Variants in PRKCA observed in about 807,000 individuals in gnomAD.
PRKCA encodes the protein protein kinase C alpha type.
A neutral mutation model predicts 87.0 loss-of-function variants in PRKCA; 27 were observed. The observed-to-expected ratio is 0.31, with a 90% CI of 0.23 to 0.43. The LOEUF (loss-of-function observed/expected upper bound fraction) is 0.43. PRKCA is among the 20% of genes least tolerant of loss of function. The pLI is 1.00. For synonymous variants in PRKCA, 329 were observed against 311.1 expected (o/e 1.06, Z -0.61); for missense variants, 518 against 852.3 (o/e 0.61, Z 4.88).
intron 3 of PRKCA, among the ~76,000 whole-genome samples, chr17:66,501,538 C>T (rs1916732173): frequency 6.6e-6 from 1 of 152,198 alleles, no homozygotes; most frequent in Admixed American, 6.5e-5. Context: ...GCACCCGGGG[C>T]TCAGGCTTGG....
At chr17:66,676,348 A>G (rs1972332323) in intron 5 of PRKCA, 1 of 152,196 alleles carries the variant, frequency 6.6e-6, no homozygotes, top group Non-Finnish European at 1.5e-5. Flanking sequence ...ATGCTCCTGA[A>G]CTGAGTAACC....
intron 2 of PRKCA, among the ~76,000 whole-genome samples, chr17:66,418,284 A>C (rs1275944650): frequency 1.3e-5 from 2 of 152,226 alleles, no homozygotes; most frequent in African/African-American, 4.8e-5. Flanking sequence ...TTATATTGAC[A>C]TTCTGTAGAT....
chr17:66,403,909 T>G (rs1911189378), intron 2 of PRKCA: 1 of 152,232 alleles, frequency 6.6e-6, no homozygotes, highest in Non-Finnish European at 1.5e-5. Flanking sequence ...CCTTTTTATT[T>G]TATTTATTGT....
At chr17:66,568,696 A>G (rs915588248) in intron 3 of PRKCA, among the ~76,000 whole-genome samples, 1 of 152,156 alleles carries the variant, frequency 6.6e-6, no homozygotes, top group Non-Finnish European at 1.5e-5. Flanking sequence ...TAATTTTGAG[A>G]TGATTTAAAA....
intron 2 of PRKCA, among the ~76,000 whole-genome samples, chr17:66,314,428 G>C: frequency 6.6e-6 from 1 of 152,042 alleles, no homozygotes; most frequent in East Asian, 1.9e-4. Flanking sequence ...AAGGGAAAAT[G>C]GTTTCTGGAA....
intron 2 of PRKCA, chr17:66,415,898 A>G (rs950589573): frequency 6.6e-6 from 1 of 152,182 alleles, no homozygotes; most frequent in African/African-American, 2.4e-5. Context: ...GTTATAATTA[A>G]GGTCAGTCCT....
At chr17:66,363,078 A>G (rs543261119) in intron 2 of PRKCA, among the ~76,000 whole-genome samples, 1 of 152,318 alleles carries the variant, frequency 6.6e-6, no homozygotes, top group Admixed American at 6.5e-5. Context: ...TGTTGGAGAA[A>G]GTTTTAAAGT....
chr17:66,482,545 G>C (rs528141416), intron 2 of PRKCA, among the ~76,000 whole-genome samples: 16 of 152,322 alleles, frequency 1.1e-4, no homozygotes, highest in African/African-American at 3.8e-4. Context: ...AGTACGAGGT[G>C]AAGATTCCAA....
intron 13 of PRKCA, among the ~76,000 whole-genome samples, chr17:66,771,006 CTT>C (rs5821504): frequency 1.2e-4 from 17 of 141,690 alleles, no homozygotes; most frequent in African/African-American, 1.0e-4. Flanking sequence ...GGCAATGTGT[CTT>C]TTTTTTTTTT....
At chr17:66,589,788 C>T (rs927702334) in intron 3 of PRKCA, among the ~76,000 whole-genome samples, 1 of 152,172 alleles carries the variant, frequency 6.6e-6, no homozygotes. Context: ...GGGCAGCAGT[C>T]TTCAACCTTT....
At chr17:66,629,800 G>C (rs1349906533) in intron 3 of PRKCA, among the ~76,000 whole-genome samples, 1 of 152,082 alleles carries the variant, frequency 6.6e-6, no homozygotes, top group African/African-American at 2.4e-5. Context: ...GTGGAGATTG[G>C]GAAGTTCCGT....
At chr17:66,456,357 A>G (rs545517159) in intron 2 of PRKCA, among the ~76,000 whole-genome samples, 3 of 152,196 alleles carry the variant, frequency 2.0e-5, no homozygotes, top group Non-Finnish European at 4.4e-5. Flanking sequence ...TACCAGGTAT[A>G]TACTGCTGCT....
intron 2 of PRKCA, among the ~76,000 whole-genome samples, chr17:66,379,688 G>T (rs546716018): frequency 1.3e-5 from 2 of 152,268 alleles, no homozygotes; most frequent in Admixed American, 6.5e-5. Context: ...AGACTTAGCA[G>T]CATTTCATTG....
intron 2 of PRKCA, among the ~76,000 whole-genome samples, chr17:66,424,886 A>G (rs543196711): frequency 6.6e-6 from 1 of 151,730 alleles, no homozygotes; most frequent in African/African-American, 2.4e-5. Context: ...AGTAGCTGGG[A>G]CTACAGTCCT....
chr17:66,530,662 G>A (rs559784344), intron 3 of PRKCA, among the ~76,000 whole-genome samples: 74 of 152,212 alleles, frequency 4.9e-4, no homozygotes, highest in African/African-American at 1.7e-3. Context: ...GGGATCAACT[G>A]CATGTTTCCT....
intron 16 of PRKCA, among the ~76,000 whole-genome samples, chr17:66,802,482 G>T (rs1184375863): frequency 6.6e-6 from 1 of 151,234 alleles, no homozygotes; most frequent in Non-Finnish European, 1.5e-5. Context: ...CCGAGGTCAC[G>T]CCACTGCACT....
At chr17:66,659,024 G>A (rs1264318380) in intron 5 of PRKCA, among the ~76,000 whole-genome samples, 1 of 152,236 alleles carries the variant, frequency 6.6e-6, no homozygotes, top group Non-Finnish European at 1.5e-5. Flanking sequence ...TTAACTGGCT[G>A]TGAACCTTGA....
chr17:66,332,882 G>A (rs879461258), intron 2 of PRKCA, among the ~76,000 whole-genome samples: 1 of 151,826 alleles, frequency 6.6e-6, no homozygotes, highest in Non-Finnish European at 1.5e-5. Flanking sequence ...TAGTAGAGAC[G>A]GGGTTTCACC....
At chr17:66,430,587 G>A (rs960241789) in intron 2 of PRKCA, among the ~76,000 whole-genome samples, 3 of 152,050 alleles carry the variant, frequency 2.0e-5, no homozygotes, top group Admixed American at 2.0e-4. Context: ...TAGGGGGCCA[G>A]CCCTGTGGTG....
Sources: gnomAD v4.1 joint callset for allele counts (sites outside exome capture counted in the v4.1 genomes callset) on GRCh38, gnomAD v4.1.1 for gene constraint, MANE v1.5 for transcripts, NCBI Gene and HGNC (gene_info 2026-07-23, HGNC 2026-07-21) for gene names.